The following IGFBP4 variants were observed in gnomAD, a reference collection of about 807,000 sequenced individuals.
The protein encoded by IGFBP4 is insulin like growth factor binding protein 4, also known as insulin-like growth factor-binding protein 4.
A neutral mutation model predicts 25.8 loss-of-function variants in IGFBP4; 9 were observed. The ratio of observed to expected loss-of-function variants is 0.35; its 90% CI spans 0.21 to 0.61. IGFBP4 has a LOEUF of 0.61. IGFBP4 is among the 20% of genes least tolerant of loss of function. The probability of loss-of-function intolerance (pLI) is 0.77; values close to 1 mark genes in which losing one functional copy is unlikely to be tolerated. For missense variants in IGFBP4, 315 were observed against 365.3 expected (o/e 0.86, Z 1.12); for synonymous variants, 153 against 153.9 (o/e 0.99, Z 0.05).
At chr17:40,451,030 C>A (rs950496446) in intron 1 of IGFBP4, among the ~76,000 whole-genome samples, 33 of 152,294 alleles carry the variant, frequency 2.2e-4, no homozygotes, top group African/African-American at 7.9e-4. Flanking sequence ...GATCCCAGAT[C>A]TTTCTCTGGT....
chr17:40,450,185 A>C (rs1373412881), intron 1 of IGFBP4, among the ~76,000 whole-genome samples: 1 of 152,046 alleles, frequency 6.6e-6, no homozygotes, highest in Non-Finnish European at 1.5e-5. Flanking sequence ...TTTTTTGTAG[A>C]GATAGGGTTT....
chr17:40,444,228 A>G, intron 1 of IGFBP4, 144 bp downstream of exon 1: 1 of 698,244 alleles, frequency 1.4e-6, no homozygotes, highest in Non-Finnish European at 2.5e-6. Context: ...CCCGACTGGC[A>G]TGGGACAGGC....
Position 40,456,757 on chromosome 17 carries a change from G to A in IGFBP4, c.*174G>A. The A allele has an allele frequency of 1.6e-6, 1 of 629,728 alleles. No individual in the cohort carries two copies. Among genetic ancestry groups the A allele is most frequent in the South Asian group, 2.0e-5 (1 of 49,930 alleles). 39.0% of individuals were successfully genotyped at this position (629,728 alleles called of 1,614,324 possible). On this transcript the variant is annotated 3_prime_UTR_variant, in exon 4 of 4. Coordinates refer to ENST00000269593, the MANE Select transcript of IGFBP4 (RefSeq NM_001552.3). ...TGTGCGTGCGTGTGTGTGTGTTTGTGAGCATGGGTGTGCCCTTGGGGTAAG... is the reference window on the plus strand; with the variant it reads ...TGTGCGTGCGTGTGTGTGTGTTTGTAAGCATGGGTGTGCCCTTGGGGTAAG...
At chr17:40,455,330 G>T (rs1345993149) in intron 3 of IGFBP4, among the ~76,000 whole-genome samples, 1 of 150,940 alleles carries the variant, frequency 6.6e-6, no homozygotes, top group Non-Finnish European at 1.5e-5. Context: ...TTCTTCTCCT[G>T]ATTTTTTTTT....
chr17:40,456,398 G>C (rs747430634), intron 3 of IGFBP4, 51 bp from the exon 4 acceptor site: 15 of 1,608,238 alleles, frequency 9.3e-6, no homozygotes, highest in Non-Finnish European at 1.3e-5. Context: ...GGGTCACTTG[G>C]GGTCTCTTTT....
Position 40,443,975 on chromosome 17 carries a change from C to G in IGFBP4, c.240C>G (p.Cys80Trp), listed in dbSNP as rs2035625719. 1 of 1,530,706 alleles carries G rather than the reference C, an allele frequency of 6.5e-7. No individual in the cohort carries two copies. The highest frequency in any genetic ancestry group is 1.4e-5 in the African/African-American group (1 of 72,228). 94.8% of individuals were successfully genotyped at this position (1,530,706 alleles called of 1,614,324 possible). ...YTPRCGSGLR[C>W]YPPRGVEKPL... is the part of the protein sequence containing the mutation. ...CCCGTTGCGGCTCGGGCCTGCGCTGCTACCCGCCCCGAGGGGTGGAGAAGC... is the reference window on the plus strand; with the variant it reads ...CCCGTTGCGGCTCGGGCCTGCGCTGGTACCCGCCCCGAGGGGTGGAGAAGC... The change falls in exon 1 of 4, where the codon TGC becomes TGG. Residue 80 changes from cysteine to tryptophan, a missense_variant. Cys to Trp is a radical substitution (Grantham distance 215). Coordinates refer to ENST00000269593, the MANE Select transcript of IGFBP4 (RefSeq NM_001552.3).
At chr17:40,447,616 C>T (rs140275471) in intron 1 of IGFBP4, among the ~76,000 whole-genome samples, 23 of 152,298 alleles carry the variant, frequency 1.5e-4, no homozygotes, top group African/African-American at 5.1e-4. Flanking sequence ...TAATTTAGTA[C>T]TGGCAAAGCT....
intron 1 of IGFBP4, among the ~76,000 whole-genome samples, chr17:40,452,617 T>C (rs1597675863): frequency 3.3e-5 from 5 of 151,662 alleles, no homozygotes. Context: ...AGGGGAATGG[T>C]GGGAGCTGAA....
At chr17:40,452,867 C>G (rs952117018) in intron 1 of IGFBP4, 118 bp from the exon 2 acceptor site, 1 of 805,228 alleles carries the variant, frequency 1.2e-6, no homozygotes, top group Non-Finnish European at 1.8e-6. Context: ...GCCCCCTGCT[C>G]TTCTCCAGCG....
intron 1 of IGFBP4, among the ~76,000 whole-genome samples, chr17:40,446,787 C>T (rs182210180): frequency 1.4e-4 from 21 of 152,190 alleles, no homozygotes; most frequent in Admixed American, 4.6e-4. Context: ...TGGAGAGAGA[C>T]GAGGGAAGCC....
In IGFBP4 at chr17:40,448,998, C is replaced by T. The variant is rs1373557243; in HGVS notation, c.350-3987C>T. Among the ~76,000 whole-genome samples, 4 of 152,270 alleles carry T rather than the reference C, an allele frequency of 2.6e-5. No homozygotes were observed. The East Asian group carries it at 5.8e-4, about 22-fold the overall frequency. ...GTGTGAGTAGGCAAATACGGATTTA[C>T]CCTGTGTCCCCATGAGACTAAGGAG... On this transcript the variant is annotated intron_variant, in intron 1 of 3. Transcript: ENST00000269593.
At chr17:40,444,857 A>G (rs1168587367) in intron 1 of IGFBP4, among the ~76,000 whole-genome samples, 1 of 148,324 alleles carries the variant, frequency 6.7e-6, no homozygotes, top group African/African-American at 2.5e-5. Flanking sequence ...GGGGAGAGAA[A>G]CAGAGAGAGA....
chr17:40,447,611 T>C (rs1567800231), intron 1 of IGFBP4, among the ~76,000 whole-genome samples: 1 of 152,200 alleles, frequency 6.6e-6, no homozygotes, highest in Non-Finnish European at 1.5e-5. Context: ...ATTTTTAATT[T>C]AGTACTGGCA....
At chr17:40,452,028 G>A (rs2035686162) in intron 1 of IGFBP4, among the ~76,000 whole-genome samples, 2 of 152,046 alleles carry the variant, frequency 1.3e-5, no homozygotes, top group African/African-American at 2.4e-5. Flanking sequence ...TGTGAAGATG[G>A]GGTCTTGCCA....
At position 40,445,887 on chromosome 17, in the gene IGFBP4, G is replaced by C. The variant is rs1047840890; in HGVS notation, c.349+1803G>C. 2.6e-5 allele frequency among the ~76,000 whole-genome samples: 4 copies of C among 152,182 alleles called. No individual in the cohort carries two copies. The South Asian group carries it at 8.3e-4, about 32-fold the overall frequency. On this transcript the variant is annotated intron_variant, in intron 1 of 3. Transcript: ENST00000269593. ...TCCTCTCTCAGCACTTTGAATGCAA[G>C]ACAGAAGAGCCCTCAAAGGGCTGGG...
Position 40,456,740 on chromosome 17 carries a change from C to CGTGT in IGFBP4, c.*166_*169dup. ...GCGTGTGCACGTGTGCGTGTGCGTGCGTGTGTGTGTGTTTGTGAGCATGGG... is the reference window on the plus strand; with the variant it reads ...GCGTGTGCACGTGTGCGTGTGCGTGCGTGTGTGTGTGTGTGTTTGTGAGCATGGG... On this transcript the variant is annotated 3_prime_UTR_variant, in exon 4 of 4. Transcript: ENST00000269593. 1 of 677,664 alleles carries CGTGT rather than the reference C, an allele frequency of 1.5e-6. No individual in the cohort carries two copies. Among genetic ancestry groups the CGTGT allele is most frequent in the East Asian group, 2.8e-5 (1 of 35,176 alleles). The allele number at this position is 677,664 out of a possible 1,614,324, so 42.0% of individuals were successfully genotyped here. A position where few individuals can be genotyped will look rare whatever the true frequency, so the allele number is the denominator to read the frequency against.
Position 40,443,730 on chromosome 17 carries a change from G to A in IGFBP4, c.-6G>A, listed in dbSNP as rs747551908. On this transcript the variant is annotated 5_prime_UTR_variant, in exon 1 of 4. Coordinates refer to ENST00000269593, the MANE Select transcript of IGFBP4 (RefSeq NM_001552.3). ...CCCCGCGCCCGCGCCCAGTCCTCGG[G>A]CGGTCATGCTGCCCCTCTGCCTCGT... 420 of 1,437,622 alleles carry A rather than the reference G, an allele frequency of 2.9e-4. No homozygotes were observed. The highest frequency in any genetic ancestry group is 3.6e-4 in the Non-Finnish European group (395 of 1,106,560). The allele number at this position is 1,437,622 out of a possible 1,614,324, so 89.1% of individuals were successfully genotyped here.
At chr17:40,455,291 A>G (rs965571000) in intron 3 of IGFBP4, among the ~76,000 whole-genome samples, 2 of 151,804 alleles carry the variant, frequency 1.3e-5, no homozygotes, top group African/African-American at 4.8e-5. Context: ...ATTAGGGTTC[A>G]CTTTTTGTGT....
At chr17:40,456,366 T>C in intron 3 of IGFBP4, 83 bp from the exon 4 acceptor site, 1 of 1,427,738 alleles carries the variant, frequency 7.0e-7, no homozygotes, top group East Asian at 2.4e-5. Flanking sequence ...ACTTGGGGGC[T>C]GGGCTGGGCT....
Sources: gnomAD v4.1 joint callset for allele counts (sites outside exome capture counted in the v4.1 genomes callset) on GRCh38, gnomAD v4.1.1 for gene constraint, MANE v1.5 for transcripts, NCBI Gene and HGNC (gene_info 2026-07-23, HGNC 2026-07-21) for gene names.